The following FGF12 variants were observed in gnomAD, a reference collection of about 807,000 sequenced individuals.
FGF12 encodes the protein fibroblast growth factor 12.
Under a neutral mutation model 23.6 loss-of-function variants are expected in FGF12, and 14 were observed. That is an observed-to-expected ratio of 0.59 (90% CI 0.39 to 0.93). The LOEUF is 0.93. Among genes scored for constraint, FGF12 ranks in the 40% least tolerant of loss-of-function variants. The pLI is 0.00. For missense variants in FGF12, 175 were observed against 217.8 expected, an observed-to-expected ratio of 0.80 and a Z score of 1.24; for synonymous variants, 62 against 77.3, an observed-to-expected ratio of 0.80 and a Z score of 1.04.
At chr3:192,667,964 T>C (rs1211396781) in intron 2 of FGF12, among the ~76,000 whole-genome samples, 1 of 152,144 alleles carries the variant, frequency 6.6e-6, no homozygotes, top group African/African-American at 2.4e-5. Context: ...GAAAATGTAA[T>C]CTAGGGATAT....
intron 2 of FGF12, among the ~76,000 whole-genome samples, chr3:192,456,885 T>C (rs1722698094): frequency 6.6e-6 from 1 of 152,164 alleles, no homozygotes; most frequent in South Asian, 2.1e-4. Context: ...CATGCAGTGA[T>C]ATGGTTTGGC....
At chr3:192,185,330 C>T (rs773141760) in intron 4 of FGF12, among the ~76,000 whole-genome samples, 14 of 152,132 alleles carry the variant, frequency 9.2e-5, no homozygotes, top group Non-Finnish European at 1.6e-4. Flanking sequence ...CATCTGACAC[C>T]CAGTAGCTCC....
chr3:192,520,251 G>A (rs936068181), intron 2 of FGF12, among the ~76,000 whole-genome samples: 4 of 152,122 alleles, frequency 2.6e-5, no homozygotes, highest in Non-Finnish European at 4.4e-5. Context: ...GATAGATATC[G>A]TTAATACTTC....
At chr3:192,291,698 G>T (rs185962327) in intron 4 of FGF12, among the ~76,000 whole-genome samples, 2 of 152,196 alleles carry the variant, frequency 1.3e-5, no homozygotes, top group East Asian at 3.9e-4. Flanking sequence ...AGAGCAAAAG[G>T]TATATATTAA....
intron 2 of FGF12, among the ~76,000 whole-genome samples, chr3:192,681,313 G>T (rs1329683824): frequency 6.6e-6 from 1 of 152,170 alleles, no homozygotes; most frequent in Non-Finnish European, 1.5e-5. Flanking sequence ...CCTTAGGAAT[G>T]ACTAAGTTTC....
chr3:192,250,028 T>C (rs1201111678), intron 4 of FGF12, among the ~76,000 whole-genome samples: 3 of 152,196 alleles, frequency 2.0e-5, no homozygotes, highest in Non-Finnish European at 2.9e-5. Flanking sequence ...TTAAAATACA[T>C]TTTTAAAACA....
intron 3 of FGF12, among the ~76,000 whole-genome samples, chr3:192,353,324 C>CAT (rs34860549): frequency 0.33 from 49,397 of 149,468 alleles, 10,833 homozygotes; most frequent in East Asian, 0.61. Flanking sequence ...TCAAATGACT[C>CAT]GTTTTGCTTT....
intron 2 of FGF12, among the ~76,000 whole-genome samples, chr3:192,375,674 C>T (rs1184817868): frequency 2.0e-5 from 3 of 150,652 alleles, no homozygotes; most frequent in African/African-American, 4.9e-5. Flanking sequence ...CTCTTTCCCC[C>T]CAGACTCAAC....
At chr3:192,524,490 T>G (rs997918223) in intron 2 of FGF12, among the ~76,000 whole-genome samples, 23 of 152,190 alleles carry the variant, frequency 1.5e-4, no homozygotes, top group African/African-American at 5.5e-4. Flanking sequence ...TACAAATGGT[T>G]GTGGGAAAGG....
At chr3:192,522,438 A>T (rs1448839007) in intron 2 of FGF12, among the ~76,000 whole-genome samples, 1 of 152,200 alleles carries the variant, frequency 6.6e-6, no homozygotes, top group Non-Finnish European at 1.5e-5. Flanking sequence ...TTTCAAGGAT[A>T]AAAATGTTTG....
chr3:192,364,849 A>T (rs998341978), intron 2 of FGF12, among the ~76,000 whole-genome samples: 4 of 152,180 alleles, frequency 2.6e-5, no homozygotes, highest in African/African-American at 9.7e-5. Flanking sequence ...AAAGGGAAGG[A>T]GAGAGTAATA....
At chr3:192,725,784 C>T (rs1158083549) in intron 2 of FGF12, among the ~76,000 whole-genome samples, 1 of 148,128 alleles carries the variant, frequency 6.8e-6, no homozygotes, top group Admixed American at 6.6e-5. Flanking sequence ...CCCAGAAATA[C>T]TTAGTCAGCT....
chr3:192,441,177 A>G (rs532137868), intron 2 of FGF12, among the ~76,000 whole-genome samples: 2 of 152,348 alleles, frequency 1.3e-5, no homozygotes, highest in African/African-American at 4.8e-5. Flanking sequence ...AACTGCCTCC[A>G]TTATAAATAT....
intron 4 of FGF12, among the ~76,000 whole-genome samples, chr3:192,276,016 T>C (rs757551342): frequency 6.6e-6 from 1 of 152,188 alleles, no homozygotes; most frequent in Non-Finnish European, 1.5e-5. Flanking sequence ...AACCAACACC[T>C]ACTGATAAGG....
chr3:192,430,507 T>C (rs1365905014), intron 2 of FGF12, among the ~76,000 whole-genome samples: 1 of 152,212 alleles, frequency 6.6e-6, no homozygotes, highest in Admixed American at 6.5e-5. Flanking sequence ...GTTTATCTGT[T>C]TTATCTCAAT....
At chr3:192,582,867 T>C (rs1713215186) in intron 2 of FGF12, among the ~76,000 whole-genome samples, 3 of 151,958 alleles carry the variant, frequency 2.0e-5, no homozygotes, top group Admixed American at 2.0e-4. Context: ...CCTACCCCAC[T>C]CTGTTTCCCT....
intron 5 of FGF12, among the ~76,000 whole-genome samples, chr3:192,146,935 C>T (rs545458131): frequency 1.3e-5 from 2 of 152,258 alleles, no homozygotes; most frequent in Non-Finnish European, 2.9e-5. Flanking sequence ...TTCTAATTTC[C>T]CAATCTTTGC....
At chr3:192,145,651 T>A (rs1351256412) in intron 5 of FGF12, among the ~76,000 whole-genome samples, 1 of 152,240 alleles carries the variant, frequency 6.6e-6, no homozygotes, top group Non-Finnish European at 1.5e-5. Context: ...ATTAGCCACA[T>A]ATATTTTAAT....
chr3:192,575,207 G>A, intron 2 of FGF12, among the ~76,000 whole-genome samples: 1 of 152,210 alleles, frequency 6.6e-6, no homozygotes, highest in East Asian at 1.9e-4. Flanking sequence ...AAGAGAGAAA[G>A]AGTTCAAACA....
Sources: gnomAD v4.1 joint callset for allele counts (sites outside exome capture counted in the v4.1 genomes callset) on GRCh38, gnomAD v4.1.1 for gene constraint, MANE v1.5 for transcripts, NCBI Gene and HGNC (gene_info 2026-07-23, HGNC 2026-07-21) for gene names.